Variants in ETHE1 observed in about 807,000 individuals in gnomAD.
ETHE1 encodes the protein ETHE1 persulfide dioxygenase, also known as persulfide dioxygenase ETHE1, mitochondrial.
Under a neutral mutation model 25.7 loss-of-function variants are expected in ETHE1, and 16 were observed. The observed-to-expected ratio is 0.62, with a 90% confidence interval of 0.42 to 0.95. The LOEUF (loss-of-function observed/expected upper bound fraction) is 0.95, where lower values mean the gene tolerates loss of function less well. Among genes scored for constraint, ETHE1 ranks in the 40% least tolerant of loss-of-function variants. ETHE1 has a pLI of 0.00. For missense variants in ETHE1, 300 were observed against 333.6 expected (o/e 0.90, Z 0.79); for synonymous variants, 139 against 135.9 (o/e 1.02, Z -0.16).
At chr19:43,527,025 A>G in intron 1 of ETHE1, 72 bp downstream of exon 1, 1 of 1,539,848 alleles carries the variant, frequency 6.5e-7, no homozygotes, top group Non-Finnish European at 8.7e-7. Flanking sequence ...CTCCCTATTA[A>G]GAGACCCCGG....
intron 2 of ETHE1, 63 bp downstream of exon 2, chr19:43,526,451 TC>T: frequency 1.2e-6 from 2 of 1,602,090 alleles, no homozygotes; most frequent in Non-Finnish European, 1.7e-6. Flanking sequence ...GGCCCCAGCT[TC>T]CCATTCCACT....
chr19:43,512,445 C>G (rs982854509), intron 3 of ETHE1, among the ~76,000 whole-genome samples: 1 of 152,114 alleles, frequency 6.6e-6, no homozygotes, highest in African/African-American at 2.4e-5. Flanking sequence ...GTAAAGGTCA[C>G]TTTTGTTATG....
chr19:43,523,723 G>A (rs1425705430), intron 3 of ETHE1, among the ~76,000 whole-genome samples: 1 of 151,856 alleles, frequency 6.6e-6, no homozygotes, highest in African/African-American at 2.4e-5. Context: ...ATCACCTGAG[G>A]TCAGGAGTTT....
Position 43,526,255 on chromosome 19 carries a change from C to A in ETHE1, c.321G>T (p.Gly107=). The A allele has an allele frequency of 6.2e-7, 1 of 1,614,156 alleles. No individual in the cohort carries two copies. Among genetic ancestry groups the A allele is most frequent in the South Asian group, 1.1e-5 (1 of 91,086 alleles). ...CCTCAATGTGTAAGTCAGCCTGGGC[C>A]CCACTAAGGCGGGAGATGACAGACT... ...GCQSVISRLS[G]AQADLHIEDG... is the part of the protein sequence containing the mutation. Residue 107 remains glycine (G), a synonymous_variant, in exon 3 of 7, where the codon GGG becomes GGT. Coordinates refer to ENST00000292147, the MANE Select transcript of ETHE1 (RefSeq NM_014297.5).
chr19:43,511,462 C>T lies in ETHE1; in HGVS notation c.480G>A (p.Gly160=), dbSNP rs375313283. ...AFTGDALLIR[G]CGRTDFQQGC... ...CTTGCTGGAAGTCTGTCCGCCCACA[C>T]CCACGGATCAACAGGGCATCTCCAG... The change falls in exon 4 of 7, where the codon GGG becomes GGA. Residue 160 remains glycine, a synonymous_variant. Coordinates refer to ENST00000292147, the MANE Select transcript of ETHE1 (RefSeq NM_014297.5). 6.8e-6 allele frequency: 11 copies of T among 1,614,088 alleles called. No individual in the cohort carries two copies. The highest frequency in any genetic ancestry group is 9.3e-6 in the Non-Finnish European group (11 of 1,180,046).
Position 43,508,003 on chromosome 19 carries a change from C to G in ETHE1, c.653G>C (p.Ser218Thr). 1 of 1,614,166 alleles carries G rather than the reference C, an allele frequency of 6.2e-7. No homozygotes were observed. Among genetic ancestry groups the G allele is most frequent in the East Asian group, 2.2e-5 (1 of 44,874 alleles). ...CATGATTTTGACAAACTCCTCACAG[C>G]TGAGGGTGAGCCGAGGGTTCAGAGT... ...ERTLNPRLTLSCEEFVKIMGN... is the reference protein window; with the variant it reads ...ERTLNPRLTLTCEEFVKIMGN... Residue 218 changes from serine (S) to threonine (T), a missense_variant, in exon 6 of 7, where the codon AGC becomes ACC. Coordinates refer to ENST00000292147, the MANE Select transcript of ETHE1 (RefSeq NM_014297.5).
chr19:43,520,615 C>G (rs1411447852), intron 3 of ETHE1, among the ~76,000 whole-genome samples: 1 of 151,690 alleles, frequency 6.6e-6, no homozygotes, highest in Non-Finnish European at 1.5e-5. Context: ...GCAGGAGGAT[C>G]GCTTGAGCCA....
intron 3 of ETHE1, 125 bp downstream of exon 3, chr19:43,526,076 C>T (rs928574671): frequency 2.7e-6 from 4 of 1,467,446 alleles, no homozygotes; most frequent in Non-Finnish European, 3.8e-6. Context: ...GCTCAGGGGT[C>T]AGAAACCCAG....
At chr19:43,515,169 C>T (rs1478843038) in intron 3 of ETHE1, among the ~76,000 whole-genome samples, 1 of 152,062 alleles carries the variant, frequency 6.6e-6, no homozygotes, top group Non-Finnish European at 1.5e-5. Context: ...GTAATCCCAG[C>T]ACTTTGGGAG....
chr19:43,525,497 A>T (rs1477633446), intron 3 of ETHE1: 1 of 152,530 alleles, frequency 6.6e-6, no homozygotes, highest in Non-Finnish European at 1.5e-5. Flanking sequence ...ATGCCCTGCC[A>T]GCTGTTTCCC....
Position 43,506,777 on chromosome 19 carries a change from T to C in ETHE1, c.*73A>G. 2 of 1,338,608 alleles carry C rather than the reference T, an allele frequency of 1.5e-6. No individual in the cohort carries two copies. The highest frequency in any genetic ancestry group is 2.3e-5 in the East Asian group (1 of 43,510). 82.9% of individuals were successfully genotyped at this position (1,338,608 alleles called of 1,614,324 possible). On this transcript the variant is annotated 3_prime_UTR_variant, in exon 7 of 7. Transcript: ENST00000292147. ...AGGGAATGCGGTGGGAAAGGAGAGG[T>C]GCAGTGTCATTGCCGCCCTCTCCTC... is the stretch of plus-strand genomic sequence containing the variant.
At chr19:43,519,001 T>TTTTTTG (rs1972084428) in intron 3 of ETHE1, among the ~76,000 whole-genome samples, 8 of 45,112 alleles carry the variant, frequency 1.8e-4, no homozygotes, top group African/African-American at 1.4e-3. Context: ...TTGTGCTTGT[T>TTTTTTG]TTTTTTTTTT....
In ETHE1 at chr19:43,506,819, T is replaced by G. The variant is rs778362220; in HGVS notation, c.*31A>C. The G allele has an allele frequency of 3.7e-6, 6 of 1,600,588 alleles. No individual in the cohort carries two copies. In the African/African-American group the frequency reaches 8.0e-5, roughly 21 times the overall value. On this transcript the variant is annotated 3_prime_UTR_variant, in exon 7 of 7. Coordinates refer to ENST00000292147, the MANE Select transcript of ETHE1 (RefSeq NM_014297.5). ...CCTCTCCTCCCACCTAGTGCATTAA[T>G]AGTGGATGGGAGCATCTGACAGAAG...
At chr19:43,510,428 T>A (rs547127892) in intron 4 of ETHE1, among the ~76,000 whole-genome samples, 5 of 150,294 alleles carry the variant, frequency 3.3e-5, no homozygotes, top group Non-Finnish European at 7.4e-5. Context: ...CTCCGCCTCC[T>A]GGGTTCAAGT....
chr19:43,508,649 A>C (rs1426958561), intron 5 of ETHE1, 126 bp downstream of exon 5: 1 of 841,946 alleles, frequency 1.2e-6, no homozygotes, highest in Non-Finnish European at 2.0e-6. Context: ...AGCCTCAAAC[A>C]CTTAATTTTT....
At chr19:43,508,336 C>G (rs1971836085) in intron 5 of ETHE1, among the ~76,000 whole-genome samples, 1 of 142,456 alleles carries the variant, frequency 7.0e-6, no homozygotes, top group Non-Finnish European at 1.5e-5. Flanking sequence ...CAGGCTCAAG[C>G]ACTTTATCTC....
intron 3 of ETHE1, among the ~76,000 whole-genome samples, chr19:43,515,142 C>A (rs532356562): frequency 5.3e-5 from 8 of 152,088 alleles, no homozygotes; most frequent in African/African-American, 1.9e-4. Context: ...GGTGGCTGGG[C>A]GCTGTGGCTC....
intron 1 of ETHE1, 169 bp from the exon 2 acceptor site, chr19:43,526,828 A>G: frequency 6.7e-7 from 1 of 1,494,704 alleles, no homozygotes; most frequent in East Asian, 2.5e-5. Flanking sequence ...CCCTATCAGA[A>G]CAAAAGAGTT....
Position 43,511,546 on chromosome 19 carries a change from G to A in ETHE1, c.396C>T (p.Ser132=). 6.2e-7 allele frequency: 1 copy of A among 1,613,892 alleles called. No individual in the cohort carries two copies. The highest frequency in any genetic ancestry group is 8.5e-7 in the Non-Finnish European group (1 of 1,180,014). ...TGACACAGCCTGGGGTGTGGCCAGG[G>A]CTGGCCCTGGTCTCCAACGCCTGGC... is the stretch of plus-strand genomic sequence containing the variant. ...FGRFALETRA[S]PGHTPGCVTF... The change falls in exon 4 of 7, where the codon AGC becomes AGT. Residue 132 remains serine, a synonymous_variant. Coordinates refer to ENST00000292147, the MANE Select transcript of ETHE1 (RefSeq NM_014297.5).
Sources: gnomAD v4.1 joint callset for allele counts (sites outside exome capture counted in the v4.1 genomes callset) on GRCh38, gnomAD v4.1.1 for gene constraint, MANE v1.5 for transcripts, NCBI Gene and HGNC (gene_info 2026-07-23, HGNC 2026-07-21) for gene names.